The following PHC3 variants were observed in gnomAD, a reference collection of about 807,000 sequenced individuals.
The protein encoded by PHC3 is polyhomeotic homolog 3, also known as polyhomeotic-like protein 3.
In PHC3, 13 loss-of-function variants were observed where a neutral mutation model predicts 107.4. That is an observed-to-expected ratio of 0.12 (90% CI 0.08 to 0.19). The LOEUF is 0.19. PHC3 is among the 10% of genes least tolerant of loss of function. The pLI is 1.00. For synonymous variants in PHC3, 456 were observed against 427.4 expected, an observed-to-expected ratio of 1.07 and a Z score of -0.83; for missense variants, 992 against 1,210.9, an observed-to-expected ratio of 0.82 and a Z score of 2.68.
At chr3:170,117,139 G>A in intron 10 of PHC3, 87 bp downstream of exon 10, 10 of 1,485,534 alleles carry the variant, frequency 6.7e-6, no homozygotes, top group East Asian at 2.3e-5. Flanking sequence ...AAAATTACAA[G>A]CTTTTTATTA....
At chr3:170,158,977 C>A (rs6763396) in intron 4 of PHC3, among the ~76,000 whole-genome samples, 1 of 150,074 alleles carries the variant, frequency 6.7e-6, no homozygotes, top group Admixed American at 6.7e-5. Context: ...CTGGGCCGGG[C>A]GTGGTGGCTC....
chr3:170,108,073 T>G (rs139945244), intron 11 of PHC3, among the ~76,000 whole-genome samples: 9 of 152,308 alleles, frequency 5.9e-5, no homozygotes, highest in African/African-American at 2.2e-4. Context: ...AAGAAATACT[T>G]TGGTAAAACT....
chr3:170,155,799 A>C (rs1726797931), intron 4 of PHC3, among the ~76,000 whole-genome samples: 6 of 152,106 alleles, frequency 3.9e-5, no homozygotes, highest in Admixed American at 3.3e-4. Context: ...ATATGACTAG[A>C]CTCAATATAG....
intron 4 of PHC3, among the ~76,000 whole-genome samples, chr3:170,163,731 T>C (rs958350259): frequency 4.0e-5 from 6 of 151,338 alleles, no homozygotes; most frequent in Non-Finnish European, 8.8e-5. Flanking sequence ...GGCATGGTGG[T>C]GGGCGCCTGT....
chr3:170,129,260 T>C lies in PHC3; in HGVS notation c.1212A>G (p.Ala404=), dbSNP rs1721861477. 6.2e-7 allele frequency: 1 copy of C among 1,613,148 alleles called. No individual in the cohort carries two copies. The highest frequency in any genetic ancestry group is 1.3e-5 in the African/African-American group (1 of 74,892). Residue 404 remains alanine, a synonymous_variant, in exon 8 of 15, where the codon GCA becomes GCG. Transcript: ENST00000495893. ...GAGGAGACACCACTACAGACTGCTG[T>C]GCTGACTGTGACTGATTAGGAGACA... The part of the protein sequence containing the change: ...LTVSPNQSQS[A]QQSVVVSPPP...
At chr3:170,176,639 A>G (rs1340612539) in intron 2 of PHC3, among the ~76,000 whole-genome samples, 3 of 152,248 alleles carry the variant, frequency 2.0e-5, no homozygotes, top group Non-Finnish European at 4.4e-5. Flanking sequence ...CATCAGTAAA[A>G]TGGAGATAAT....
chr3:170,159,251 CAAAAAAA>C (rs1278767405), intron 4 of PHC3, among the ~76,000 whole-genome samples: 3 of 69,566 alleles, frequency 4.3e-5, no homozygotes, highest in Admixed American at 1.7e-4. Context: ...GACTCGGTCT[CAAAAAAA>C]AAAAAAAAAA....
At position 170,136,404 on chromosome 3, in the gene PHC3, A is replaced by T; in HGVS notation, c.919+15T>A. ...ATGAATAATACAACTATTTTCAACA[A>T]AAGTTTTATCCCACCTGGTGCTATT... On this transcript the variant is annotated intron_variant, in intron 7 of 14. Transcript: ENST00000495893. The T allele has an allele frequency of 6.2e-7, 1 of 1,611,884 alleles. No individual in the cohort carries two copies. The highest frequency in any genetic ancestry group is 8.5e-7 in the Non-Finnish European group (1 of 1,179,304).
rs1252000410 is a variant in PHC3 at position 170,111,317 on chromosome 3, GGAACGAAC to G, written c.2353+2035_2353+2042del. 3.1e-4 allele frequency among the ~76,000 whole-genome samples: 33 copies of G among 107,516 alleles called. 1 individual carries two copies. Among genetic ancestry groups the G allele is most frequent in the South Asian group, 2.1e-3 (7 of 3,256 alleles). 70.5% of individuals were successfully genotyped at this position (107,516 alleles called of 152,430 possible). ...AGGAAGGAAGGAAGGAAGGAAGGAA[GGAACGAAC>G]GAACGAAAGAACAAAAGAACGGAAA... is the stretch of plus-strand genomic sequence containing the variant. On this transcript the variant is annotated intron_variant, in intron 11 of 14. Coordinates refer to ENST00000495893, the MANE Select transcript of PHC3 (RefSeq NM_024947.4).
intron 10 of PHC3, among the ~76,000 whole-genome samples, chr3:170,114,994 T>A (rs937194669): frequency 5.3e-5 from 8 of 152,138 alleles, no homozygotes; most frequent in Non-Finnish European, 7.4e-5. Context: ...GGCATACACT[T>A]CTCACAGATG....
chr3:170,143,320 C>T (rs1173807202), intron 6 of PHC3, among the ~76,000 whole-genome samples: 2 of 151,396 alleles, frequency 1.3e-5, no homozygotes, highest in African/African-American at 2.4e-5. Flanking sequence ...TTTATAAATA[C>T]GGGGGAAAAA....
chr3:170,119,524 A>C (rs997437245), intron 9 of PHC3, among the ~76,000 whole-genome samples: 1 of 152,178 alleles, frequency 6.6e-6, no homozygotes, highest in Non-Finnish European at 1.5e-5. Context: ...AGCTATTTAC[A>C]TAAGTTGTAA....
intron 5 of PHC3, chr3:170,148,474 A>G (rs1725369092): frequency 6.6e-6 from 1 of 152,242 alleles, no homozygotes; most frequent in Non-Finnish European, 1.5e-5. Context: ...AAATCTGTAG[A>G]TACTCAAATA....
chr3:170,176,079 A>C (rs952271924), intron 2 of PHC3, among the ~76,000 whole-genome samples: 6 of 151,472 alleles, frequency 4.0e-5, no homozygotes, highest in Non-Finnish European at 5.9e-5. Context: ...TACAAAAATT[A>C]GCTGGATCTG....
intron 4 of PHC3, chr3:170,170,952 C>G (rs1267952886): frequency 1.2e-5 from 2 of 172,804 alleles, no homozygotes; most frequent in African/African-American, 2.4e-5. Context: ...CCAAATAACT[C>G]ATGTAAGCTG....
intron 4 of PHC3, 141 bp from the exon 5 acceptor site, chr3:170,149,385 A>AC (rs1178223372): frequency 6.0e-6 from 4 of 664,938 alleles, no homozygotes; most frequent in Non-Finnish European, 9.4e-6. Flanking sequence ...TCTTTGACAG[A>AC]CCCCCTCATT....
chr3:170,149,224 A>G lies in PHC3; in HGVS notation c.435T>C (p.Pro145=). 6.2e-7 allele frequency: 1 copy of G among 1,612,016 alleles called. No individual in the cohort carries two copies. Among genetic ancestry groups the G allele is most frequent in the African/African-American group, 1.3e-5 (1 of 75,012 alleles). Residue 145 remains proline, a synonymous_variant, in exon 5 of 15, where the codon CCT becomes CCC. Coordinates refer to ENST00000495893, the MANE Select transcript of PHC3 (RefSeq NM_024947.4). ...AACGGCTTATTAACTGTGCAGGTGT[A>G]GGAGAAGTGGAGAGGTTGATCTAAG... is the stretch of plus-strand genomic sequence containing the variant. ...SQTSINLSTS[P]TPAQLISRSQ...
chr3:170,150,422 G>A (rs538263616), intron 4 of PHC3, among the ~76,000 whole-genome samples: 2 of 150,698 alleles, frequency 1.3e-5, no homozygotes, highest in South Asian at 2.1e-4. Flanking sequence ...TTGGCCGGGC[G>A]CAGTGGCTCA....
chr3:170,171,206 CATT>C, intron 4 of PHC3, 164 bp downstream of exon 4: 1 of 588,088 alleles, frequency 1.7e-6, no homozygotes, highest in East Asian at 3.0e-5. Flanking sequence ...ATAAGTTTAA[CATT>C]AGTTCTGAAT....
Sources: gnomAD v4.1 joint callset for allele counts (sites outside exome capture counted in the v4.1 genomes callset) on GRCh38, gnomAD v4.1.1 for gene constraint, MANE v1.5 for transcripts, NCBI Gene and HGNC (gene_info 2026-07-23, HGNC 2026-07-21) for gene names.